Variants in KIF16B observed in about 807,000 individuals in gnomAD.
KIF16B encodes kinesin family member 16B, also known as kinesin-like protein KIF16B.
A neutral mutation model predicts 156.3 loss-of-function variants in KIF16B; 98 were observed. The observed-to-expected ratio is 0.63, with a 90% CI of 0.53 to 0.74. The LOEUF (loss-of-function observed/expected upper bound fraction) is 0.74, where lower values mean the gene tolerates loss of function less well. Ranked by LOEUF, KIF16B falls within the 30% of genes least tolerant of loss-of-function variation. KIF16B has a pLI of 0.00. For synonymous variants in KIF16B, 564 were observed against 583.7 expected, an observed-to-expected ratio of 0.97 and a Z score of 0.49; for missense variants, 1,421 against 1,606.5, an observed-to-expected ratio of 0.88 and a Z score of 1.97.
At chr20:16,415,784 TC>T (rs35075654) in intron 15 of KIF16B, among the ~76,000 whole-genome samples, 1 of 152,106 alleles carries the variant, frequency 6.6e-6, no homozygotes, top group Non-Finnish European at 1.5e-5. Context: ...TTGGGTACAT[TC>T]CCCCTTTTCA....
At chr20:16,446,435 C>T (rs2066932978) in intron 12 of KIF16B, among the ~76,000 whole-genome samples, 1 of 152,270 alleles carries the variant, frequency 6.6e-6, no homozygotes, top group South Asian at 2.1e-4. Context: ...CTTGAGGCTG[C>T]AGCTGAACTG....
chr20:16,463,589 C>G lies in KIF16B; in HGVS notation c.1302+30702G>C, dbSNP rs117762612. Among the ~76,000 whole-genome samples the G allele has an allele frequency of 3.2e-3, 481 of 152,096 alleles. 2 individuals are homozygous for G. The highest frequency in any genetic ancestry group is 5.0e-3 in the Non-Finnish European group (340 of 67,988). On this transcript the variant is annotated intron_variant, in intron 12 of 25. Transcript: ENST00000354981. ...ACACGATAAAAATGCACTTAAAGTC[C>G]ATAATATAAAAATGCCTTCCCAACC...
intron 24 of KIF16B, among the ~76,000 whole-genome samples, chr20:16,329,348 T>C (rs547184496): frequency 3.3e-5 from 5 of 152,340 alleles, no homozygotes; most frequent in African/African-American, 1.2e-4. Flanking sequence ...CTCCTTCTCA[T>C]AGAAACAAAA....
At position 16,379,765 on chromosome 20, in the gene KIF16B, A is replaced by T. The variant is rs145554547; in HGVS notation, c.2237T>A (p.Leu746Gln). Residue 746 changes from leucine to glutamine, a missense_variant, in exon 19 of 26, where the codon CTG becomes CAG. Physicochemically the swap from Leu to Gln is moderately radical, Grantham distance 113. Coordinates refer to ENST00000354981, the MANE Select transcript of KIF16B (RefSeq NM_024704.5). ...EKDEQYAKLELEKKRLEEQEK... is the reference protein window; with the variant it reads ...EKDEQYAKLEQEKKRLEEQEK... Reference sequence around the variant, plus strand: ...CTGCTCCTCTAGTCTCTTTTTTTCCAGTTCAAGCTTGGCATACTGTTCATC... The same window carrying T: ...CTGCTCCTCTAGTCTCTTTTTTTCCTGTTCAAGCTTGGCATACTGTTCATC... The T allele has an allele frequency of 3.2e-4, 513 of 1,613,860 alleles. 1 individual carries two copies. The highest frequency in any genetic ancestry group is 3.9e-4 in the Non-Finnish European group (457 of 1,179,998).
Position 16,374,357 on chromosome 20 carries a change from C to T in KIF16B, c.3250G>A (p.Val1084Ile), listed in dbSNP as rs756741491. The stretch of plus-strand genomic sequence containing the variant: ...AGGGTCCCATGATGATCTTTTTGAA[C>T]ACCATCGACCTCATAAATCTTCTGT... ...LKQKIYEVDG[V>I]QKDHHGTLEG... Residue 1084 changes from valine (V) to isoleucine (I), a missense_variant, in exon 20 of 26, where the codon GTT (valine) becomes ATT (isoleucine). By Grantham distance (29) the Val-to-Ile change is conservative. Transcript: ENST00000354981. 2.6e-5 allele frequency: 42 copies of T among 1,601,618 alleles called. No homozygotes were observed. In the East Asian group the frequency reaches 2.9e-4, roughly 11 times the overall value.
At chr20:16,414,320 T>A (rs1357389857) in intron 15 of KIF16B, among the ~76,000 whole-genome samples, 1 of 152,090 alleles carries the variant, frequency 6.6e-6, no homozygotes, top group Non-Finnish European at 1.5e-5. Flanking sequence ...TGCGAATGAA[T>A]GACAGGCACT....
chr20:16,342,093 C>T (rs6111061), intron 23 of KIF16B, among the ~76,000 whole-genome samples: 8,276 of 152,198 alleles, frequency 0.054, 485 homozygotes, highest in East Asian at 0.34. Flanking sequence ...GCCCCATTCC[C>T]ACTCCTTTCT....
chr20:16,423,727 C>T (rs936656633), intron 15 of KIF16B, among the ~76,000 whole-genome samples: 1 of 152,100 alleles, frequency 6.6e-6, no homozygotes, highest in Non-Finnish European at 1.5e-5. Context: ...AACTCTGTAC[C>T]AGCCTGTACC....
intron 1 of KIF16B, among the ~76,000 whole-genome samples, chr20:16,549,505 G>A (rs899037334): frequency 6.6e-6 from 1 of 151,938 alleles, no homozygotes; most frequent in Non-Finnish European, 1.5e-5. Context: ...AAACATACGT[G>A]TGCATGTGTC....
At chr20:16,304,311 A>C (rs1350132819) in intron 25 of KIF16B, among the ~76,000 whole-genome samples, 1 of 152,230 alleles carries the variant, frequency 6.6e-6, no homozygotes, top group Non-Finnish European at 1.5e-5. Flanking sequence ...TTCATAAAGC[A>C]CTAACACATA....
intron 10 of KIF16B, among the ~76,000 whole-genome samples, chr20:16,504,047 T>C (rs997223802): frequency 6.6e-6 from 1 of 152,248 alleles, no homozygotes; most frequent in African/African-American, 2.4e-5. Context: ...TTTTAAATAC[T>C]ATTCTAAGCA....
At chr20:16,373,900 G>A (rs1399963785) in intron 20 of KIF16B, among the ~76,000 whole-genome samples, 1 of 152,180 alleles carries the variant, frequency 6.6e-6, no homozygotes, top group Admixed American at 6.5e-5. Context: ...TACATGGAGG[G>A]CAACTTTTTC....
In KIF16B at chr20:16,497,699, G is replaced by T. The variant is rs74643155; in HGVS notation, c.1177-21C>A. ...GCAATCTACAATATAAACCATAAAA[G>T]AAATCAGCAATTAATAAACAGCAAT... On this transcript the variant is annotated intron_variant, in intron 10 of 25. Coordinates refer to ENST00000354981, the MANE Select transcript of KIF16B (RefSeq NM_024704.5). The T allele has an allele frequency of 5.9e-4, 897 of 1,521,580 alleles. 3 individuals are homozygous for T. In the African/African-American group the frequency reaches 0.011, roughly 19 times the overall value. 94.3% of individuals were successfully genotyped at this position (1,521,580 alleles called of 1,614,324 possible). A position where few individuals can be genotyped will look rare whatever the true frequency, so the allele number is the denominator to read the frequency against.
At chr20:16,505,532 C>T (rs2068747698) in intron 9 of KIF16B, among the ~76,000 whole-genome samples, 190 bp downstream of exon 9, 1 of 152,172 alleles carries the variant, frequency 6.6e-6, no homozygotes, top group Non-Finnish European at 1.5e-5. Flanking sequence ...GGTGGTATAA[C>T]AGTTAATGAT....
chr20:16,406,887 C>T (rs1203757152), intron 15 of KIF16B, among the ~76,000 whole-genome samples: 2 of 152,102 alleles, frequency 1.3e-5, no homozygotes, highest in Non-Finnish European at 2.9e-5. Context: ...AAGAAAAGTG[C>T]TTTCAAAAGA....
chr20:16,393,438 T>C (rs1200569503), intron 17 of KIF16B, among the ~76,000 whole-genome samples: 1 of 152,214 alleles, frequency 6.6e-6, no homozygotes, highest in Admixed American at 6.5e-5. Context: ...CCTTAGGTCA[T>C]GAGATACGGG....
chr20:16,551,545 A>G (rs374351087), intron 1 of KIF16B, among the ~76,000 whole-genome samples: 92 of 152,316 alleles, frequency 6.0e-4, no homozygotes, highest in African/African-American at 2.2e-3. Flanking sequence ...AAAGGTGTGC[A>G]ACTTTTGAAG....
chr20:16,421,961 A>G (rs145642744), intron 15 of KIF16B, among the ~76,000 whole-genome samples: 1 of 152,130 alleles, frequency 6.6e-6, no homozygotes, highest in Admixed American at 6.6e-5. Context: ...AATTAGTACC[A>G]GTACTGTCCG....
intron 12 of KIF16B, among the ~76,000 whole-genome samples, chr20:16,470,653 C>T (rs981376331): frequency 1.3e-4 from 19 of 147,708 alleles, no homozygotes; most frequent in Admixed American, 2.0e-4. Context: ...CCAGCAAATT[C>T]TTTTTTTCTT....
Sources: gnomAD v4.1 joint callset for allele counts (sites outside exome capture counted in the v4.1 genomes callset) on GRCh38, gnomAD v4.1.1 for gene constraint, MANE v1.5 for transcripts, NCBI Gene and HGNC (gene_info 2026-07-23, HGNC 2026-07-21) for gene names.